Variants in GNB1 observed in about 807,000 individuals in gnomAD.
GNB1 encodes guanine nucleotide-binding protein G(I)/G(S)/G(T) subunit beta-1.
Under a neutral mutation model 42.9 loss-of-function variants are expected in GNB1, and 2 were observed. The ratio of observed to expected loss-of-function variants is 0.05; its 90% confidence interval spans 0.02 to 0.15. GNB1 has a LOEUF of 0.15. Ranked by LOEUF, GNB1 falls within the 10% of genes least tolerant of loss-of-function variation. The probability of loss-of-function intolerance (pLI) is 1.00; values close to 1 mark genes in which losing one functional copy is unlikely to be tolerated. For missense variants in GNB1, 193 were observed against 462.2 expected (o/e 0.42, Z 5.34); for synonymous variants, 183 against 174.7 (o/e 1.05, Z -0.38).
intron 6 of GNB1, among the ~76,000 whole-genome samples, chr1:1,805,863 A>G (rs1646689927): frequency 6.6e-6 from 1 of 152,162 alleles, no homozygotes; most frequent in Admixed American, 6.6e-5. Context: ...ATTTTTATGG[A>G]ATAACCAAAA....
intron 1 of GNB1, among the ~76,000 whole-genome samples, chr1:1,880,853 T>C (rs1438439410): frequency 6.6e-6 from 1 of 152,094 alleles, no homozygotes; most frequent in Non-Finnish European, 1.5e-5. Flanking sequence ...TAGGGGCTGG[T>C]CTGCAGTGAA....
intron 1 of GNB1, among the ~76,000 whole-genome samples, chr1:1,871,472 C>T (rs781066107): frequency 1.3e-5 from 2 of 152,030 alleles, no homozygotes; most frequent in Non-Finnish European, 2.9e-5. Flanking sequence ...CCTTTCCCCA[C>T]CCCCATTCAC....
chr1:1,848,753 A>G (rs751814636), intron 1 of GNB1, among the ~76,000 whole-genome samples: 5 of 152,228 alleles, frequency 3.3e-5, no homozygotes, highest in Non-Finnish European at 4.4e-5. Context: ...TGATAGAAGA[A>G]TTTTGACTGC....
rs867938404 is a variant in GNB1, at chr1:1,825,438, G to A, written c.16C>T (p.Gln6Ter). Residue 6 changes from glutamine to a stop codon, truncating the protein, a stop_gained, in exon 3 of 12, where the codon CAG (glutamine) becomes TAG (stop). Coordinates refer to ENST00000378609, the MANE Select transcript of GNB1 (RefSeq NM_002074.5). LOFTEE classifies it high-confidence loss of function. MSELD[Q>*]LRQEAEQLKN... Reference sequence around the variant, plus strand: ...AGTTGCTCGGCCTCCTGCCGTAACTGGTCAAGCTCACTCATCTTCCGATCT... The same window carrying A: ...AGTTGCTCGGCCTCCTGCCGTAACTAGTCAAGCTCACTCATCTTCCGATCT... 6.2e-7 allele frequency: 1 copy of A among 1,612,280 alleles called. No individual in the cohort carries two copies. Among genetic ancestry groups the A allele is most frequent in the Non-Finnish European group, 8.5e-7 (1 of 1,178,328 alleles).
chr1:1,879,766 TATTTTAC>T (rs1002478913), intron 1 of GNB1, among the ~76,000 whole-genome samples: 40 of 151,148 alleles, frequency 2.6e-4, no homozygotes, highest in Non-Finnish European at 3.8e-4. Flanking sequence ...TGATAAGCCA[TATTTTAC>T]ATTTTACATT....
At chr1:1,851,181 C>G (rs12066667) in intron 1 of GNB1, among the ~76,000 whole-genome samples, 6 of 151,946 alleles carry the variant, frequency 3.9e-5, no homozygotes, top group Non-Finnish European at 7.4e-5. Flanking sequence ...GAGGCCGAGA[C>G]GTGTGGATCA....
intron 3 of GNB1, chr1:1,818,247 C>G (rs377206149): frequency 6.7e-6 from 1 of 150,120 alleles, no homozygotes; most frequent in South Asian, 2.1e-4. Context: ...ACACGACTTG[C>G]TCTTTTTACA....
intron 1 of GNB1, among the ~76,000 whole-genome samples, chr1:1,886,935 G>T (rs377256108): frequency 6.6e-6 from 1 of 152,036 alleles, no homozygotes; most frequent in African/African-American, 2.4e-5. Flanking sequence ...GGGTGGTCTC[G>T]ATCTCCTGAC....
At chr1:1,812,660 C>A (rs928476192) in intron 5 of GNB1, among the ~76,000 whole-genome samples, 1 of 152,206 alleles carries the variant, frequency 6.6e-6, no homozygotes, top group African/African-American at 2.4e-5. Flanking sequence ...ACAGGCCTCA[C>A]TGAAGACCGC....
chr1:1,805,743 T>A (rs916425825), intron 6 of GNB1, among the ~76,000 whole-genome samples: 1 of 152,048 alleles, frequency 6.6e-6, no homozygotes, highest in Admixed American at 6.6e-5. Flanking sequence ...GGTTTCACCA[T>A]GTTGGCTAGG....
In GNB1 at chr1:1,789,023, A is replaced by G. The variant is rs1646444962; in HGVS notation, c.916+30T>C. On this transcript the variant is annotated intron_variant, in intron 10 of 11. Transcript: ENST00000378609. Reference sequence around the variant, plus strand: ...CTAAAGATACCACGTAAATGTCCACAAGACACAGAAAGGCCCCATGGCCAC... The same window carrying G: ...CTAAAGATACCACGTAAATGTCCACGAGACACAGAAAGGCCCCATGGCCAC... The G allele has an allele frequency of 2.7e-6, 4 of 1,487,154 alleles. No homozygotes were observed. The South Asian group carries it at 3.4e-5, about 13-fold the overall frequency. 92.1% of individuals were successfully genotyped at this position (1,487,154 alleles called of 1,614,324 possible). A position where few individuals can be genotyped will look rare whatever the true frequency, so the allele number is the denominator to read the frequency against.
At chr1:1,812,834 C>T (rs957619528) in intron 5 of GNB1, among the ~76,000 whole-genome samples, 1 of 85,246 alleles carries the variant, frequency 1.2e-5, no homozygotes, top group Non-Finnish European at 2.4e-5. Flanking sequence ...CCACCCTGAG[C>T]CCCCAGCCCC....
At chr1:1,840,138 G>C (rs909428550) in intron 1 of GNB1, among the ~76,000 whole-genome samples, 7 of 151,546 alleles carry the variant, frequency 4.6e-5, no homozygotes, top group Non-Finnish European at 1.0e-4. Flanking sequence ...AGAGGCAGGA[G>C]AATCACTTGA....
At chr1:1,880,961 C>T (rs1444435811) in intron 1 of GNB1, among the ~76,000 whole-genome samples, 1 of 152,038 alleles carries the variant, frequency 6.6e-6, no homozygotes, top group Non-Finnish European at 1.5e-5. Flanking sequence ...TCAATGAGAT[C>T]AGAGCACACC....
chr1:1,823,110 CG>C (rs2100966136), intron 3 of GNB1, among the ~76,000 whole-genome samples: 1 of 151,762 alleles, frequency 6.6e-6, no homozygotes, highest in South Asian at 2.1e-4. Context: ...GGTGTGGTGG[CG>C]GGCGCCTATA....
intron 1 of GNB1, among the ~76,000 whole-genome samples, chr1:1,849,030 T>C (rs1647837250): frequency 6.6e-6 from 1 of 152,218 alleles, no homozygotes; most frequent in African/African-American, 2.4e-5. Context: ...AGACAAACCA[T>C]GACATTAGAC....
intron 1 of GNB1, among the ~76,000 whole-genome samples, chr1:1,889,879 C>G (rs1252601651): frequency 6.6e-6 from 1 of 151,834 alleles, no homozygotes; most frequent in Non-Finnish European, 1.5e-5. Flanking sequence ...CCACTCCCCA[C>G]CCCCACCCCG....
intron 2 of GNB1, among the ~76,000 whole-genome samples, chr1:1,837,559 G>A (rs1345399477): frequency 7.0e-6 from 1 of 143,056 alleles, no homozygotes; most frequent in Non-Finnish European, 1.5e-5. Context: ...TGGCCTTTTT[G>A]TTTTTGTTTT....
intron 1 of GNB1, among the ~76,000 whole-genome samples, chr1:1,841,248 G>A (rs1280721837): frequency 6.6e-6 from 1 of 152,090 alleles, no homozygotes; most frequent in Non-Finnish European, 1.5e-5. Flanking sequence ...GAGTGCAGTG[G>A]CATGATCTTG....
Sources: allele counts gnomAD v4.1 joint callset (sites outside exome capture counted in the v4.1 genomes callset), GRCh38; gene constraint gnomAD v4.1.1; transcripts MANE v1.5; gene names NCBI Gene and HGNC (gene_info 2026-07-23, HGNC 2026-07-21).